Variants in JMJD8 observed in about 807,000 individuals in gnomAD.
The protein encoded by JMJD8 is jmjC domain-containing protein 8.
Under a neutral mutation model 37.6 loss-of-function variants are expected in JMJD8, and 56 were observed. The ratio of observed to expected loss-of-function variants is 1.49; its 90% CI spans 1.20 to 1.86. JMJD8 has a LOEUF of 1.86. Among genes scored for constraint, JMJD8 ranks in the 40% most tolerant of loss-of-function variants. The probability of loss-of-function intolerance (pLI) is 0.00; values close to 1 mark genes in which losing one functional copy is unlikely to be tolerated. For missense variants in JMJD8, 542 were observed against 362.7 expected (o/e 1.49, Z -4.01); for synonymous variants, 261 against 163.7 (o/e 1.59, Z -4.54).
chr16:683,253 C>T lies in JMJD8; in HGVS notation c.512-19G>A, dbSNP rs2151509742. The T allele has an allele frequency of 6.2e-7, 1 of 1,613,136 alleles. No homozygotes were observed. On this transcript the variant is annotated intron_variant, in intron 6 of 8. Coordinates refer to ENST00000609261, the MANE Select transcript of JMJD8 (RefSeq NM_001005920.4). ...CCAGCTCCTGTGGGGTTATGAGCAC[C>T]TGGTGACCAACCCATTTTGTACTCA...
chr16:683,182 CA>C lies in JMJD8; in HGVS notation c.563del (p.Val188GlyfsTer133). 1 of 1,613,348 alleles carries C rather than the reference CA, an allele frequency of 6.2e-7. No individual in the cohort carries two copies. The highest frequency in any genetic ancestry group is 8.5e-7 in the Non-Finnish European group (1 of 1,179,890). ...CCGTGCTGACCTTACGACCGTAGATCACTTCTGAGTACCCGGGTCCATGCCA... is the reference window on the plus strand; with the variant it reads ...CCGTGCTGACCTTACGACCGTAGATCCTTCTGAGTACCCGGGTCCATGCCA... The part of the protein sequence containing the change: ...FHWHGPGYSE[V>X]IYGRKRWFLY... On this transcript the variant is annotated frameshift_variant, in exon 7 of 9. Coordinates refer to ENST00000609261, the MANE Select transcript of JMJD8 (RefSeq NM_001005920.4). LOFTEE classifies it high-confidence loss of function.
At chr16:683,500 AC>A in intron 5 of JMJD8, 29 bp downstream of exon 5, 1 of 1,544,400 alleles carries the variant, frequency 6.5e-7, no homozygotes, top group Admixed American at 2.0e-5. Context: ...AAGCGTCCCC[AC>A]CCCCTACCGC....
intron 4 of JMJD8, 43 bp downstream of exon 4, chr16:683,642 C>A (rs762232934): frequency 1.3e-6 from 2 of 1,579,546 alleles, no homozygotes; most frequent in Admixed American, 1.8e-5. Flanking sequence ...CCAGCCGCCC[C>A]GGTGTTGGCA....
At position 684,105 on chromosome 16, in the gene JMJD8, T is replaced by C; in HGVS notation, c.137A>G (p.Glu46Gly). The C allele has an allele frequency of 5.7e-6, 9 of 1,567,016 alleles. No homozygotes were observed. The highest frequency in any genetic ancestry group is 2.3e-5 in the East Asian group (1 of 42,650). Reference protein sequence around the residue: ...AVAEEERCTVERRADLTYAEF... With the variant: ...AVAEEERCTVGRRADLTYAEF... ...CGCGTAGGTGAGGTCGGCCCGACGC[T>C]CCACCGTGCAGCGCTCCTCCTCCGC... The change falls in exon 2 of 9, where the codon GAG becomes GGG. Residue 46 changes from glutamate to glycine, a missense_variant. Physicochemically the swap from Glu to Gly is moderately conservative, Grantham distance 98. Transcript: ENST00000609261.
In JMJD8 at chr16:682,606, G is replaced by A; in HGVS notation, c.*188C>T. The A allele has an allele frequency of 6.8e-7, 1 of 1,474,780 alleles. No homozygotes were observed. Among genetic ancestry groups the A allele is most frequent in the Non-Finnish European group, 9.3e-7 (1 of 1,080,134 alleles). 91.4% of individuals were successfully genotyped at this position (1,474,780 alleles called of 1,614,324 possible). ...ACCGCTTCCCCCAAGTTCTGCTGTT[G>A]GACTCTGGACTGTTTCCCCTCTCAG... On this transcript the variant is annotated 3_prime_UTR_variant, in exon 9 of 9. Transcript: ENST00000609261.
In JMJD8 at chr16:682,750, G is replaced by C; in HGVS notation, c.*44C>G. ...GTAATAAAATCCGTGAGCACGAGGT[G>C]GGACGTGCTGGTGTGTGACCGGCAG... is the stretch of plus-strand genomic sequence containing the variant. On this transcript the variant is annotated 3_prime_UTR_variant, in exon 9 of 9. Coordinates refer to ENST00000609261, the MANE Select transcript of JMJD8 (RefSeq NM_001005920.4). 6.3e-7 allele frequency: 1 copy of C among 1,591,198 alleles called. No homozygotes were observed. Among genetic ancestry groups the C allele is most frequent in the Non-Finnish European group, 8.6e-7 (1 of 1,161,578 alleles).
rs1400648225 is a variant in JMJD8 at position 683,677 on chromosome 16, C to T, written c.322+8G>A. The T allele has an allele frequency of 6.3e-7, 1 of 1,596,004 alleles. No individual in the cohort carries two copies. The highest frequency in any genetic ancestry group is 1.1e-5 in the South Asian group (1 of 88,438). Reference sequence around the variant, plus strand: ...AAATGGGCGGGCCCCAGGGGTGAGGCCGCGTACCTTTGTGGTAGGAGTAGG... The same window carrying T: ...AAATGGGCGGGCCCCAGGGGTGAGGTCGCGTACCTTTGTGGTAGGAGTAGG... On this transcript the variant is annotated splice_region_variant and intron_variant, in intron 4 of 8. Transcript: ENST00000609261.
At position 683,201 on chromosome 16, in the gene JMJD8, C is replaced by G. The variant is rs746407473; in HGVS notation, c.545G>C (p.Gly182Ala). ...AGSGVPFHWH[G>A]PGYSEVIYGR... is the part of the protein sequence containing the mutation. ...GTAGATCACTTCTGAGTACCCGGGT[C>G]CATGCCAGTGGAAGGGCACCCCCGA... Residue 182 changes from glycine to alanine, a missense_variant, in exon 7 of 9, where the codon GGA becomes GCA. Gly to Ala is a moderately conservative substitution (Grantham distance 60, BLOSUM62 0). Coordinates refer to ENST00000609261, the MANE Select transcript of JMJD8 (RefSeq NM_001005920.4). The G allele has an allele frequency of 1.9e-6, 3 of 1,613,106 alleles. No homozygotes were observed. The highest frequency in any genetic ancestry group is 2.5e-6 in the Non-Finnish European group (3 of 1,179,884).
intron 6 of JMJD8, 37 bp from the exon 7 acceptor site, chr16:683,271 T>G: frequency 3.7e-6 from 6 of 1,612,892 alleles, no homozygotes; most frequent in Non-Finnish European, 4.2e-6. Context: ...CAACCCATTT[T>G]GTACTCACCG....
Position 683,057 on chromosome 16 carries a change from G to A in JMJD8, c.610C>T (p.Pro204Ser). 1 of 1,613,598 alleles carries A rather than the reference G, an allele frequency of 6.2e-7. No individual in the cohort carries two copies. The highest frequency in any genetic ancestry group is 2.2e-5 in the East Asian group (1 of 44,886). Residue 204 changes from proline to serine, a missense_variant, in exon 8 of 9, where the codon CCA becomes TCA. Coordinates refer to ENST00000609261, the MANE Select transcript of JMJD8 (RefSeq NM_001005920.4). ...GTGGTCTTGTTGGGGTGGAACTCTG[G>A]CGTCTTCTCAGGTGGGTAAAGGAAC... ...RWFLYPPEKT[P>S]EFHPNKTTLA...
rs769735565 is a variant in JMJD8 at position 681,832 on chromosome 16, G to A, written c.*962C>T. The A allele has an allele frequency of 6.2e-7, 1 of 1,610,208 alleles. No individual in the cohort carries two copies. Among genetic ancestry groups the A allele is most frequent in the Non-Finnish European group, 8.5e-7 (1 of 1,178,060 alleles). On this transcript the variant is annotated 3_prime_UTR_variant, in exon 9 of 9. Transcript: ENST00000609261. Reference sequence around the variant, plus strand: ...GCCAGCGAAACCACGAGGGTGATGAGGACGACAGCCACGTCCGGGCCCAGC... The same window carrying A: ...GCCAGCGAAACCACGAGGGTGATGAAGACGACAGCCACGTCCGGGCCCAGC...
chr16:682,601 CTGT>C lies in JMJD8; in HGVS notation c.*190_*192del. 1 of 1,492,518 alleles carries C rather than the reference CTGT, an allele frequency of 6.7e-7. No individual in the cohort carries two copies. The highest frequency in any genetic ancestry group is 9.1e-7 in the Non-Finnish European group (1 of 1,093,302). The allele number at this position is 1,492,518 out of a possible 1,614,324, so 92.5% of individuals were successfully genotyped here. On this transcript the variant is annotated 3_prime_UTR_variant, in exon 9 of 9. Coordinates refer to ENST00000609261, the MANE Select transcript of JMJD8 (RefSeq NM_001005920.4). ...CCCCGACCGCTTCCCCCAAGTTCTGCTGTTGGACTCTGGACTGTTTCCCCTCTC... is the reference window on the plus strand; with the variant it reads ...CCCCGACCGCTTCCCCCAAGTTCTGCTGGACTCTGGACTGTTTCCCCTCTC...
In JMJD8 at chr16:683,813, G is replaced by A. The variant is rs570774062; in HGVS notation, c.226-32C>T. The A allele has an allele frequency of 2.5e-6, 4 of 1,587,578 alleles. No individual in the cohort carries two copies. The South Asian group carries it at 3.4e-5, about 14-fold the overall frequency. ...GGGCGGGGAGGGGACTTAGTGGCCG[G>A]GCCCAGCACGGGCGAGAGTGGCCGG... is the stretch of plus-strand genomic sequence containing the variant. On this transcript the variant is annotated intron_variant, in intron 3 of 8. Coordinates refer to ENST00000609261, the MANE Select transcript of JMJD8 (RefSeq NM_001005920.4).
Position 681,784 on chromosome 16 carries a change from A to C in JMJD8, c.*1010T>G. The C allele has an allele frequency of 6.3e-7, 1 of 1,588,004 alleles. No homozygotes were observed. Among genetic ancestry groups the C allele is most frequent in the Non-Finnish European group, 8.6e-7 (1 of 1,162,780 alleles). On this transcript the variant is annotated 3_prime_UTR_variant, in exon 9 of 9. Transcript: ENST00000609261. ...GTCCATCTCTGACCGGCTCCTGGTC[A>C]ACCCCCAGGGAGCTGGAAGAGTGCC...
chr16:682,207 G>A lies in JMJD8; in HGVS notation c.*587C>T. On this transcript the variant is annotated 3_prime_UTR_variant, in exon 9 of 9. Coordinates refer to ENST00000609261, the MANE Select transcript of JMJD8 (RefSeq NM_001005920.4). ...CTACCTGTGTGGCAAGATCAGCTTT[G>A]AGCTGATGCGGGAGCCGTGCATCAC... 1 of 1,612,890 alleles carries A rather than the reference G, an allele frequency of 6.2e-7. No individual in the cohort carries two copies. Among genetic ancestry groups the A allele is most frequent in the Non-Finnish European group, 8.5e-7 (1 of 1,179,648 alleles).
chr16:682,160 C>A lies in JMJD8; in HGVS notation c.*634G>T. ...AGCCTCTGACCGTGTGCCCCTGTGC[C>A]ACAGAAGCGAGACATCCCCGACTAC... On this transcript the variant is annotated 3_prime_UTR_variant, in exon 9 of 9. Transcript: ENST00000609261. 6.2e-7 allele frequency: 1 copy of A among 1,603,312 alleles called. No homozygotes were observed. The highest frequency in any genetic ancestry group is 1.1e-5 in the South Asian group (1 of 90,838).
chr16:683,483 A>G (rs369983012), intron 5 of JMJD8, 42 bp from the exon 6 acceptor site: 200 of 1,548,358 alleles, frequency 1.3e-4, no homozygotes, highest in Non-Finnish European at 1.6e-4. Flanking sequence ...TGGCACCTGG[A>G]GACTCCAAGC....
chr16:683,479 C>T, intron 5 of JMJD8, 38 bp from the exon 6 acceptor site: 2 of 1,548,836 alleles, frequency 1.3e-6, no homozygotes, highest in Non-Finnish European at 1.7e-6. Context: ...ATCCTGGCAC[C>T]TGGAGACTCC....
At chr16:683,983 G>C in intron 2 of JMJD8, 74 bp from the exon 3 acceptor site, 1 of 1,556,820 alleles carries the variant, frequency 6.4e-7, no homozygotes, top group Admixed American at 1.9e-5. Context: ...GTGCGCGCGA[G>C]GTCAGGGGAA....
Sources: gnomAD v4.1 joint callset for allele counts on GRCh38, gnomAD v4.1.1 for gene constraint, MANE v1.5 for transcripts, NCBI Gene and HGNC (gene_info 2026-07-23, HGNC 2026-07-21) for gene names.